MAGI1: variants seen among roughly 807,000 people sequenced by gnomAD.
MAGI1 encodes the protein membrane-associated guanylate kinase, WW and PDZ domain-containing protein 1.
MAGI1 carries 58 observed loss-of-function variants against 139.9 expected under a neutral mutation model. The observed-to-expected ratio is 0.41, with a 90% CI of 0.34 to 0.52. The LOEUF (loss-of-function observed/expected upper bound fraction) is 0.52. Among genes scored for constraint, MAGI1 ranks in the 20% least tolerant of loss-of-function variants. MAGI1 has a pLI of 0.12. For synonymous variants in MAGI1, 812 were observed against 737.9 expected (o/e 1.10, Z -1.63); for missense variants, 1,874 against 1,901.6 (o/e 0.99, Z 0.27).
intron 1 of MAGI1, among the ~76,000 whole-genome samples, chr3:65,662,803 T>C (rs1424749776): frequency 1.3e-5 from 2 of 152,204 alleles, no homozygotes; most frequent in Non-Finnish European, 2.9e-5. Flanking sequence ...TCTAGACTTA[T>C]TTACCACACA....
intron 15 of MAGI1, among the ~76,000 whole-genome samples, chr3:65,382,635 T>C (rs551149534): frequency 6.6e-6 from 1 of 152,316 alleles, no homozygotes; most frequent in Non-Finnish European, 1.5e-5. Context: ...TGTGCCTGCC[T>C]TGCCTTTCCA....
At chr3:65,597,935 G>A (rs1001507516) in intron 2 of MAGI1, 7 of 395,992 alleles carry the variant, frequency 1.8e-5, no homozygotes, top group African/African-American at 9.1e-5. Context: ...TGGGGGGGGG[G>A]TGGGACCGAA....
intron 1 of MAGI1, among the ~76,000 whole-genome samples, chr3:65,950,067 C>CAAAAAAAAAATAAAAAAAAAAAAAAAAA (rs61696952): frequency 1.3e-5 from 1 of 76,716 alleles, no homozygotes. Flanking sequence ...AACAAAAAAA[C>CAAAAAAAAAATAAAAAAAAAAAAAAAAA]AAAAAAAAAA....
At chr3:65,918,014 C>A (rs1018002227) in intron 1 of MAGI1, among the ~76,000 whole-genome samples, 10 of 152,156 alleles carry the variant, frequency 6.6e-5, no homozygotes, top group Non-Finnish European at 1.0e-4. Context: ...GGAGGCTGTG[C>A]ACAGGCTGGA....
chr3:66,012,385 G>A (rs567974147), intron 1 of MAGI1, among the ~76,000 whole-genome samples: 2 of 151,982 alleles, frequency 1.3e-5, no homozygotes, highest in South Asian at 2.1e-4. Flanking sequence ...ATATAAATAT[G>A]AGAAGAGGTA....
rs577843816 is a variant in MAGI1 at position 65,646,986 on chromosome 3, C to T, written c.314-24898G>A. On this transcript the variant is annotated intron_variant, in intron 1 of 22. Transcript: ENST00000402939. ...CCTCAAGAACCCACAAAAACAAGAA[C>T]AAAATAAACCCAAACAAGGAGAAAA... is the stretch of plus-strand genomic sequence containing the variant. 3.2e-3 allele frequency among the ~76,000 whole-genome samples: 480 copies of T among 151,782 alleles called. 1 individual carries two copies. Among genetic ancestry groups the T allele is most frequent in the African/African-American group, 0.011 (460 of 41,420 alleles).
chr3:65,878,182 C>A (rs2060189650), intron 1 of MAGI1, among the ~76,000 whole-genome samples: 1 of 151,998 alleles, frequency 6.6e-6, no homozygotes, highest in South Asian at 2.1e-4. Context: ...AAAACCTCAC[C>A]TAACACGGTT....
At chr3:65,406,853 A>T (rs527492027) in intron 12 of MAGI1, among the ~76,000 whole-genome samples, 3 of 152,224 alleles carry the variant, frequency 2.0e-5, no homozygotes, top group African/African-American at 7.2e-5. Context: ...TAGGAGCTAG[A>T]GAGGGAGTCA....
chr3:65,520,679 C>T (rs943327515), intron 2 of MAGI1, among the ~76,000 whole-genome samples: 5 of 152,096 alleles, frequency 3.3e-5, no homozygotes, highest in African/African-American at 9.7e-5. Flanking sequence ...GCACAACTCC[C>T]GGATTTCCAC....
intron 12 of MAGI1, among the ~76,000 whole-genome samples, chr3:65,418,979 G>T (rs1404877857): frequency 1.3e-5 from 2 of 152,260 alleles, no homozygotes; most frequent in East Asian, 3.9e-4. Context: ...GTGATACAAC[G>T]CTTTCCTGTT....
intron 2 of MAGI1, among the ~76,000 whole-genome samples, chr3:65,526,603 C>T (rs2078391681): frequency 6.6e-6 from 1 of 152,166 alleles, no homozygotes; most frequent in Admixed American, 6.5e-5. Context: ...TTGGACATAC[C>T]TGCAATTGCT....
intron 18 of MAGI1, among the ~76,000 whole-genome samples, chr3:65,373,206 G>A (rs777338166): frequency 6.6e-6 from 1 of 152,078 alleles, no homozygotes; most frequent in African/African-American, 2.4e-5. Flanking sequence ...AGAGTTAGAG[G>A]CCATTGTAAG....
Position 65,477,500 on chromosome 3 carries a change from A to G in MAGI1, c.757+1092T>C, listed in dbSNP as rs186545528. ...TTCATGGCTATAACTCTAAAATATT[A>G]AAGGCAATATTTAAGTACAATAACA... On this transcript the variant is annotated intron_variant, in intron 4 of 22. Coordinates refer to ENST00000402939, the MANE Select transcript of MAGI1 (RefSeq NM_001033057.2). Among the ~76,000 whole-genome samples the G allele has an allele frequency of 5.5e-3, 845 of 152,278 alleles. 7 individuals carry two copies. Among genetic ancestry groups the G allele is most frequent in the Non-Finnish European group, 8.9e-3 (608 of 68,024 alleles).
intron 14 of MAGI1, chr3:65,387,191 C>T (rs201645519): frequency 6.2e-7 from 1 of 1,613,902 alleles, no homozygotes; most frequent in African/African-American, 1.3e-5. Context: ...TCTCTCTCAC[C>T]CTTGCTCAAT....
At chr3:65,716,740 T>C (rs1456047312) in intron 1 of MAGI1, among the ~76,000 whole-genome samples, 2 of 152,146 alleles carry the variant, frequency 1.3e-5, no homozygotes, top group African/African-American at 2.4e-5. Context: ...ATTCAATGAG[T>C]ACACATGGAG....
intron 1 of MAGI1, among the ~76,000 whole-genome samples, chr3:65,926,358 T>TCTCTCTCC (rs1415137982): frequency 6.6e-6 from 1 of 151,104 alleles, no homozygotes; most frequent in Admixed American, 6.6e-5. Context: ...TCTCTCTCTC[T>TCTCTCTCC]CTCTCTCTCT....
intron 2 of MAGI1, among the ~76,000 whole-genome samples, chr3:65,565,297 T>A (rs560773767): frequency 6.6e-6 from 1 of 152,296 alleles, no homozygotes; most frequent in East Asian, 1.9e-4. Flanking sequence ...CAATAGTCTA[T>A]CATATTCCTT....
intron 2 of MAGI1, among the ~76,000 whole-genome samples, chr3:65,595,529 T>G (rs1012156527): frequency 6.6e-6 from 1 of 152,154 alleles, no homozygotes; most frequent in African/African-American, 2.4e-5. Context: ...TAGTCTCCCC[T>G]GGGGGTGGTT....
intron 2 of MAGI1, among the ~76,000 whole-genome samples, chr3:65,498,288 G>A (rs76354278): frequency 9.1e-5 from 13 of 143,594 alleles, no homozygotes; most frequent in African/African-American, 5.1e-5. Flanking sequence ...TAAAAAAAAA[G>A]AAAAAAAAAA....
Sources: allele counts gnomAD v4.1 joint callset (sites outside exome capture counted in the v4.1 genomes callset), GRCh38; gene constraint gnomAD v4.1.1; transcripts MANE v1.5; gene names NCBI Gene and HGNC (gene_info 2026-07-23, HGNC 2026-07-21).